Variants in SPATA7 observed in about 807,000 individuals in gnomAD.
SPATA7 encodes spermatogenesis associated 7.
Under a neutral mutation model 51.8 loss-of-function variants are expected in SPATA7, and 43 were observed. The observed-to-expected ratio is 0.83, with a 90% CI of 0.65 to 1.07. The LOEUF is 1.07. Ranked by LOEUF, SPATA7 falls within the 50% of genes least tolerant of loss-of-function variation. The pLI is 0.00. For synonymous variants in SPATA7, 230 were observed against 252.8 expected (o/e 0.91, Z 0.86); for missense variants, 683 against 701.3 (o/e 0.97, Z 0.30).
chr14:88,443,932 C>T (rs866437717), intron 3 of SPATA7, among the ~76,000 whole-genome samples: 14 of 151,812 alleles, frequency 9.2e-5, no homozygotes, highest in East Asian at 3.9e-4. Flanking sequence ...TGAATAATGC[C>T]GCAATAAACA....
intron 10 of SPATA7, among the ~76,000 whole-genome samples, chr14:88,433,786 T>C (rs1011934834): frequency 6.6e-6 from 1 of 152,210 alleles, no homozygotes; most frequent in African/African-American, 2.4e-5. Flanking sequence ...GACCCTATTA[T>C]GTATACTACT....
At chr14:88,431,428 T>A (rs1173359531) in intron 9 of SPATA7, among the ~76,000 whole-genome samples, 1 of 152,190 alleles carries the variant, frequency 6.6e-6, no homozygotes, top group Non-Finnish European at 1.5e-5. Context: ...AGCATATCCA[T>A]CATCTCGAAC....
downstream of SPATA7, among the ~76,000 whole-genome samples, chr14:88,460,158 A>C (rs1445030957): frequency 7.9e-5 from 12 of 152,142 alleles, no homozygotes; most frequent in Admixed American, 7.9e-4. Flanking sequence ...CCTTCATTTC[A>C]ACTTTGGTGA....
intron 1 of SPATA7, among the ~76,000 whole-genome samples, chr14:88,387,395 T>C (rs918253163): frequency 3.3e-5 from 5 of 152,038 alleles, no homozygotes; most frequent in African/African-American, 4.8e-5. Context: ...ACTGTTATTT[T>C]GAATTTTTAA....
chr14:88,468,344 G>A, intron 4 of SPATA7: 1 of 1,375,632 alleles, frequency 7.3e-7, no homozygotes, highest in Non-Finnish European at 9.8e-7. Context: ...GAGTGTCCTG[G>A]CAGAAACCTG....
intron 4 of SPATA7, among the ~76,000 whole-genome samples, chr14:88,411,803 G>T (rs1364111457): frequency 6.6e-6 from 1 of 152,158 alleles, no homozygotes; most frequent in African/African-American, 2.4e-5. Flanking sequence ...TGTGGATAGT[G>T]CTGTGTTGGA....
At chr14:88,462,673 C>T (rs2077325087) in intron 4 of SPATA7, among the ~76,000 whole-genome samples, 1 of 152,176 alleles carries the variant, frequency 6.6e-6, no homozygotes, top group Non-Finnish European at 1.5e-5. Context: ...TGCAGCTACA[C>T]CACATTGTCG....
chr14:88,426,518 C>T lies in SPATA7; in HGVS notation c.659C>T (p.Ala220Val). ...SHRFQLVISK[A>V]PSGDLLDKHS... ...CGGTTTCAGTTAGTCATTTCGAAAG[C>T]ACCCAGTGGGGATCTTTTGGATAAA... The change falls in exon 6 of 12, where the codon GCA becomes GTA. Residue 220 changes from alanine (A) to valine (V), a missense_variant. Transcript: ENST00000393545. 1 of 1,614,240 alleles carries T rather than the reference C, an allele frequency of 6.2e-7. No homozygotes were observed. Among genetic ancestry groups the T allele is most frequent in the Non-Finnish European group, 8.5e-7 (1 of 1,180,046 alleles).
At chr14:88,397,423 A>T (rs2075917163) in intron 4 of SPATA7, among the ~76,000 whole-genome samples, 1 of 151,870 alleles carries the variant, frequency 6.6e-6, no homozygotes, top group Non-Finnish European at 1.5e-5. Flanking sequence ...CAAGTGGATC[A>T]CTTGAGCCCA....
Position 88,421,100 on chromosome 14 carries a change from G to A in SPATA7, c.372+4256G>A, listed in dbSNP as rs571183121. 1.7e-3 allele frequency among the ~76,000 whole-genome samples: 261 copies of A among 151,622 alleles called. 1 individual carries two copies. Among genetic ancestry groups the A allele is most frequent in the Admixed American group, 3.2e-3 (48 of 15,192 alleles). On this transcript the variant is annotated intron_variant, in intron 5 of 11. Transcript: ENST00000393545. ...CTGCACTCCAGCCTGGTGACAGAGC[G>A]AAACTCCGTCTCAAAAAAAAAAATA...
chr14:88,446,434 G>A (rs2077213117), intron 3 of SPATA7, among the ~76,000 whole-genome samples: 1 of 152,214 alleles, frequency 6.6e-6, no homozygotes, highest in Admixed American at 6.5e-5. Context: ...CAAAAAACCA[G>A]CTCCTGGATT....
intron 3 of SPATA7, among the ~76,000 whole-genome samples, chr14:88,445,342 A>T (rs1484821020): frequency 2.6e-5 from 4 of 151,692 alleles, no homozygotes; most frequent in African/African-American, 7.3e-5. Flanking sequence ...TTTTGTATCC[A>T]GAGACTTTGC....
exon 4 of SPATA7, chr14:88,455,158 C>T: frequency 1.3e-5 from 6 of 450,422 alleles, no homozygotes; most frequent in South Asian, 9.4e-5. Flanking sequence ...GAGGTGGCCA[C>T]ATGAAGAGCT....
downstream of SPATA7, among the ~76,000 whole-genome samples, chr14:88,458,996 G>C (rs893387191): frequency 6.6e-6 from 1 of 152,192 alleles, no homozygotes; most frequent in African/African-American, 2.4e-5. Context: ...AGTCATTCAG[G>C]AGAAGGTTGT....
chr14:88,444,490 T>G (rs1051753161), intron 3 of SPATA7, among the ~76,000 whole-genome samples: 13 of 151,484 alleles, frequency 8.6e-5, no homozygotes, highest in East Asian at 3.9e-4. Context: ...TTAGTTTAAT[T>G]AGATCCCATT....
chr14:88,406,402 C>CCTACCCCTA (rs1399834896), intron 4 of SPATA7, among the ~76,000 whole-genome samples: 1 of 149,718 alleles, frequency 6.7e-6, no homozygotes, highest in African/African-American at 2.4e-5. Context: ...GCTGCAAATT[C>CCTACCCCTA]CTACCCCTAG....
intron 7 of SPATA7, 121 bp downstream of exon 7, chr14:88,427,817 T>C: frequency 1.3e-6 from 1 of 767,958 alleles, no homozygotes; most frequent in South Asian, 1.5e-5. Flanking sequence ...TTATCATACA[T>C]GATATAGCCA....
At chr14:88,464,855 T>C (rs1241993154) in intron 4 of SPATA7, among the ~76,000 whole-genome samples, 1 of 152,226 alleles carries the variant, frequency 6.6e-6, no homozygotes, top group Non-Finnish European at 1.5e-5. Context: ...TGTACATAGT[T>C]GTATATTTAA....
At chr14:88,411,644 C>T (rs542234624) in intron 4 of SPATA7, among the ~76,000 whole-genome samples, 15 of 152,206 alleles carry the variant, frequency 9.9e-5, no homozygotes, top group African/African-American at 2.6e-4. Context: ...CTACCCCTTG[C>T]GCTTCCTGGG....
Sources: allele counts gnomAD v4.1 joint callset (sites outside exome capture counted in the v4.1 genomes callset), GRCh38; gene constraint gnomAD v4.1.1; transcripts MANE v1.5; gene names NCBI Gene and HGNC (gene_info 2026-07-23, HGNC 2026-07-21).